The following TDRD7 variants were observed in gnomAD, a reference collection of about 807,000 sequenced individuals.
The protein encoded by TDRD7 is tudor domain containing 7, also known as tudor domain-containing protein 7.
TDRD7 carries 47 observed loss-of-function variants against 109.8 expected under a neutral mutation model. That is an observed-to-expected ratio of 0.43 (90% CI 0.34 to 0.55). The LOEUF (loss-of-function observed/expected upper bound fraction) is 0.55, where lower values mean the gene tolerates loss of function less well. Ranked by LOEUF, TDRD7 falls within the 20% of genes least tolerant of loss-of-function variation. TDRD7 has a pLI of 0.03. For missense variants in TDRD7, 1,164 were observed against 1,319.2 expected, an observed-to-expected ratio of 0.88 and a Z score of 1.82; for synonymous variants, 424 against 457.3, an observed-to-expected ratio of 0.93 and a Z score of 0.93.
At chr9:97,424,070 T>TTC (rs1827944839) in intron 1 of TDRD7, among the ~76,000 whole-genome samples, 1 of 146,450 alleles carries the variant, frequency 6.8e-6, no homozygotes, top group African/African-American at 2.5e-5. Context: ...TTTTTTTTTT[T>TTC]TTTGAGATGG....
intron 14 of TDRD7, 60 bp downstream of exon 14, chr9:97,480,998 AT>A: frequency 6.8e-7 from 1 of 1,472,106 alleles, no homozygotes; most frequent in Admixed American, 1.7e-5. Context: ...GTCAGGGCTC[AT>A]TTAGTTTTTG....
chr9:97,449,369 A>G (rs1007446816), intron 6 of TDRD7, among the ~76,000 whole-genome samples: 1 of 152,176 alleles, frequency 6.6e-6, no homozygotes, highest in Non-Finnish European at 1.5e-5. Context: ...CTCTACATAT[A>G]CACTAGTTGC....
intron 6 of TDRD7, among the ~76,000 whole-genome samples, chr9:97,458,253 C>G (rs909958862): frequency 5.9e-5 from 9 of 152,168 alleles, no homozygotes; most frequent in African/African-American, 2.2e-4. Context: ...TTAAGTGATG[C>G]ATGACTGACT....
chr9:97,423,852 T>C (rs1023768529), intron 1 of TDRD7, among the ~76,000 whole-genome samples: 1 of 152,138 alleles, frequency 6.6e-6, no homozygotes, highest in African/African-American at 2.4e-5. Flanking sequence ...AATTTTGTTC[T>C]ATTCACAGAA....
intron 4 of TDRD7, among the ~76,000 whole-genome samples, chr9:97,436,265 G>A (rs934281531): frequency 1.3e-5 from 2 of 151,926 alleles, no homozygotes; most frequent in Non-Finnish European, 2.9e-5. Context: ...TGCCAATATT[G>A]GGCATCTGTT....
At chr9:97,431,187 A>T in intron 3 of TDRD7, 113 bp downstream of exon 3, 1 of 1,477,050 alleles carries the variant, frequency 6.8e-7, no homozygotes, top group South Asian at 1.2e-5. Context: ...GTTAACATAC[A>T]TATGTCAGGG....
At chr9:97,489,353 A>G (rs573970959) in intron 16 of TDRD7, among the ~76,000 whole-genome samples, 13 of 152,258 alleles carry the variant, frequency 8.5e-5, no homozygotes, top group African/African-American at 2.9e-4. Context: ...ATTAAGGATT[A>G]GTATGTCGTC....
At chr9:97,424,054 T>C (rs1167978498) in intron 1 of TDRD7, among the ~76,000 whole-genome samples, 2 of 136,270 alleles carry the variant, frequency 1.5e-5, no homozygotes, top group Non-Finnish European at 3.1e-5. Context: ...ATATTCTTTT[T>C]TTTTTTTTTT....
intron 1 of TDRD7, among the ~76,000 whole-genome samples, chr9:97,417,055 T>C (rs1251124044): frequency 6.6e-6 from 1 of 152,120 alleles, no homozygotes; most frequent in Non-Finnish European, 1.5e-5. Context: ...GAGGTGACAG[T>C]TGAGCACGTA....
intron 1 of TDRD7, among the ~76,000 whole-genome samples, chr9:97,415,415 G>A (rs1323805668): frequency 6.6e-6 from 1 of 152,154 alleles, no homozygotes; most frequent in African/African-American, 2.4e-5. Context: ...CCAAAACCAG[G>A]TTCTTCAGAA....
At chr9:97,419,396 A>G (rs1159569528) in intron 1 of TDRD7, among the ~76,000 whole-genome samples, 2 of 152,226 alleles carry the variant, frequency 1.3e-5, no homozygotes, top group Non-Finnish European at 2.9e-5. Context: ...CTACTTGTGG[A>G]AATAACTGTA....
intron 1 of TDRD7, among the ~76,000 whole-genome samples, chr9:97,417,836 G>T (rs1158419462): frequency 6.6e-6 from 1 of 152,152 alleles, no homozygotes; most frequent in Non-Finnish European, 1.5e-5. Flanking sequence ...CATTAAAAAG[G>T]GGGTGAAAGG....
At chr9:97,465,145 T>A in intron 8 of TDRD7, 117 bp downstream of exon 8, 1 of 1,269,962 alleles carries the variant, frequency 7.9e-7, no homozygotes, top group Admixed American at 2.5e-5. Context: ...TTAAATGTAG[T>A]TTTCAATGGA....
chr9:97,487,365 A>G (rs1356538214), intron 16 of TDRD7, 33 bp downstream of exon 16: 2 of 1,613,524 alleles, frequency 1.2e-6, no homozygotes, highest in African/African-American at 1.3e-5. Flanking sequence ...TCATGCTACA[A>G]CAATGCAATA....
Position 97,462,475 on chromosome 9 carries a change from A to G in TDRD7, c.1442+1711A>G, listed in dbSNP as rs531771322. ...TCTGCCCTCCCCACAAGACTTTGCA[A>G]ACCTCCACCAGACTGAACCCTGTTC... is the stretch of plus-strand genomic sequence containing the variant. On this transcript the variant is annotated intron_variant, in intron 7 of 16. Coordinates refer to ENST00000355295, the MANE Select transcript of TDRD7 (RefSeq NM_014290.3). Among the ~76,000 whole-genome samples the G allele has an allele frequency of 2.1e-3, 326 of 152,208 alleles. 1 individual carries two copies. The highest frequency in any genetic ancestry group is 3.9e-3 in the South Asian group (19 of 4,818).
At chr9:97,493,969 C>T (rs1226416374) in intron 16 of TDRD7, among the ~76,000 whole-genome samples, 1 of 152,194 alleles carries the variant, frequency 6.6e-6, no homozygotes, top group African/African-American at 2.4e-5. Context: ...ATTGTTCAAA[C>T]ACACATGCTC....
rs574195431 is a variant in TDRD7, at chr9:97,480,722, T to C, written c.2302-106T>C. ...GTCGTTATTAGCTGTTGTTGCTTGCTGTCTATCTTGGTACCATTTGATTTG... is the reference window on the plus strand; with the variant it reads ...GTCGTTATTAGCTGTTGTTGCTTGCCGTCTATCTTGGTACCATTTGATTTG... On this transcript the variant is annotated intron_variant, in intron 13 of 16. Coordinates refer to ENST00000355295, the MANE Select transcript of TDRD7 (RefSeq NM_014290.3). 7.0e-5 allele frequency: 64 copies of C among 918,908 alleles called. 1 individual carries two copies. The South Asian group carries it at 7.8e-4, about 11-fold the overall frequency. The allele number at this position is 918,908 out of a possible 1,614,324, so 56.9% of individuals were successfully genotyped here.
chr9:97,470,663 C>G lies in TDRD7; in HGVS notation c.1735C>G (p.Leu579Val). 1 of 1,613,338 alleles carries G rather than the reference C, an allele frequency of 6.2e-7. No individual in the cohort carries two copies. Among genetic ancestry groups the G allele is most frequent in the Non-Finnish European group, 8.5e-7 (1 of 1,179,568 alleles). The change falls in exon 9 of 17, where the codon CTT becomes GTT. Residue 579 changes from leucine (L) to valine (V), a missense_variant. Coordinates refer to ENST00000355295, the MANE Select transcript of TDRD7 (RefSeq NM_014290.3). ...CTCATTTCAAGCTACAAAATGTAAG[C>G]TTGCAGGTAAGAGGAACTTTTTAAA... ...SLSFQATKCK[L>V]AGLEVLSDDP...
intron 1 of TDRD7, among the ~76,000 whole-genome samples, chr9:97,415,971 C>T (rs10739397): frequency 0.88 from 134,159 of 152,274 alleles, 59,314 homozygotes; most frequent in African/African-American, 0.92. Context: ...AAAATAATGA[C>T]GATTTTTTTT....
Sources: gnomAD v4.1 joint callset for allele counts (sites outside exome capture counted in the v4.1 genomes callset) on GRCh38, gnomAD v4.1.1 for gene constraint, MANE v1.5 for transcripts, NCBI Gene and HGNC (gene_info 2026-07-23, HGNC 2026-07-21) for gene names.